Variants in PAQR9 observed in about 807,000 individuals in gnomAD.
PAQR9 encodes membrane progestin receptor epsilon.
PAQR9 carries 12 observed loss-of-function variants against 24.0 expected under a neutral mutation model. The ratio of observed to expected loss-of-function variants is 0.50; its 90% CI spans 0.32 to 0.81. The LOEUF is 0.81. Among genes scored for constraint, PAQR9 ranks in the 30% least tolerant of loss-of-function variants. The pLI is 0.03. For missense variants in PAQR9, 418 were observed against 520.8 expected, an observed-to-expected ratio of 0.80 and a Z score of 1.92; for synonymous variants, 266 against 237.6, an observed-to-expected ratio of 1.12 and a Z score of -1.10.
chr3:142,962,702 A>G lies in PAQR9; in HGVS notation c.635T>C (p.Leu212Pro). Residue 212 changes from leucine to proline, a missense_variant, in exon 1 of 1, where the codon CTG becomes CCG. Physicochemically the swap from Leu to Pro is moderately conservative, Grantham distance 98. Around this residue, in one of 3 missense-constraint regions of PAQR9, gnomAD observed 230 missense variants for 305.2 expected, o/e 0.75. Transcript: ENST00000340634. ...CAGCACGAAGGCCACAGGCAGCACC[A>G]GGGCGCGGTAGGCGGCGATAAGGCG... The part of the protein sequence containing the change: ...CTRLIAAYRA[L>P]VLPVAFVLAV... The G allele has an allele frequency of 6.2e-7, 1 of 1,612,706 alleles. No individual in the cohort carries two copies. Among genetic ancestry groups the G allele is most frequent in the Non-Finnish European group, 8.5e-7 (1 of 1,179,676 alleles).
At chr3:142,963,782 G>A, upstream of PAQR9, 3 of 978,438 alleles carry the variant, frequency 3.1e-6, no homozygotes, top group Non-Finnish European at 3.6e-6. Context: ...AGGAAGGGCG[G>A]GGGCCTCCCA....
rs1386844903 is a variant in PAQR9, at chr3:142,963,387, C to CCCGGGCGCTGGGCAGCCCCCG, written c.-72_-52dup. On this transcript the variant is annotated 5_prime_UTR_variant, in exon 1 of 1. Coordinates refer to ENST00000340634, the MANE Select transcript of PAQR9 (RefSeq NM_198504.4). The stretch of plus-strand genomic sequence containing the variant: ...GCGCAGGCGACCTCTGGCGCCGGCT[C>CCCGGGCGCTGGGCAGCCCCCG]CCGGGCGCTGGGCAGCCCCCGCCGG... The CCCGGGCGCTGGGCAGCCCCCG allele has an allele frequency of 8.8e-7, 1 of 1,133,220 alleles. No individual in the cohort carries two copies. The highest frequency in any genetic ancestry group is 1.1e-6 in the Non-Finnish European group (1 of 926,574). The allele number at this position is 1,133,220 out of a possible 1,614,324, so 70.2% of individuals were successfully genotyped here. A position where few individuals can be genotyped will look rare whatever the true frequency, so the allele number is the denominator to read the frequency against.
chr3:142,953,430 T>C (rs1008963085), downstream of PAQR9, among the ~76,000 whole-genome samples: 2 of 151,560 alleles, frequency 1.3e-5, no homozygotes, highest in Admixed American at 1.3e-4. Context: ...AAAAGGAGAG[T>C]GTGTGCTAGC....
At position 142,959,958 on chromosome 3, in the gene PAQR9, T is replaced by A. The variant is rs915650312; in HGVS notation, c.*2245A>T. 1.3e-5 allele frequency among the ~76,000 whole-genome samples: 2 copies of A among 152,220 alleles called. No individual in the cohort carries two copies. The highest frequency in any genetic ancestry group is 2.9e-5 in the Non-Finnish European group (2 of 68,032). Reference sequence around the variant, plus strand: ...ACAATGACATGCAAATAAATTTGCATGTGGAAATATCCTGATTTCCACAGT... The same window carrying A: ...ACAATGACATGCAAATAAATTTGCAAGTGGAAATATCCTGATTTCCACAGT... On this transcript the variant is annotated 3_prime_UTR_variant, in exon 1 of 1. Coordinates refer to ENST00000340634, the MANE Select transcript of PAQR9 (RefSeq NM_198504.4).
In PAQR9 at chr3:142,962,876, A is replaced by G. The variant is rs1354509753; in HGVS notation, c.461T>C (p.Phe154Ser). ...CLSLRLRAAFFYLDYASISYY... is the reference protein window; with the variant it reads ...CLSLRLRAAFSYLDYASISYY... ...GCTGATGGACGCGTAGTCCAGGTAGAAGAAGGCGGCGCGCAGACGCAGCGA... is the reference window on the plus strand; with the variant it reads ...GCTGATGGACGCGTAGTCCAGGTAGGAGAAGGCGGCGCGCAGACGCAGCGA... The change falls in exon 1 of 1, where the codon TTC becomes TCC. Residue 154 changes from phenylalanine (F) to serine (S), a missense_variant. Physicochemically the swap from Phe to Ser is radical, Grantham distance 155 (BLOSUM62 -2). Coordinates refer to ENST00000340634, the MANE Select transcript of PAQR9 (RefSeq NM_198504.4). 6.2e-7 allele frequency: 1 copy of G among 1,613,710 alleles called. No individual in the cohort carries two copies. The highest frequency in any genetic ancestry group is 1.1e-5 in the South Asian group (1 of 91,078).
chr3:142,963,965 G>C (rs896203931), upstream of PAQR9: 2 of 856,918 alleles, frequency 2.3e-6, no homozygotes, highest in Non-Finnish European at 2.8e-6. Context: ...AGTCGGCCCT[G>C]GGGTTCGAAA....
At position 142,962,964 on chromosome 3, in the gene PAQR9, A is replaced by G; in HGVS notation, c.373T>C (p.Tyr125His). Residue 125 changes from tyrosine to histidine, a missense_variant, in exon 1 of 1, where the codon TAC becomes CAC. Around this residue, in one of 3 missense-constraint regions of PAQR9, gnomAD observed 180 missense variants for 190.3 expected, o/e 0.95. Transcript: ENST00000340634. ...HHPWLLPLWC[Y>H]ASGVLLTFAM... is the part of the protein sequence containing the mutation. ...AAGGTCAGCAGCACTCCCGACGCGT[A>G]GCACCACAACGGTAGCAGCCACGGG... 1.2e-6 allele frequency: 2 copies of G among 1,614,090 alleles called. No homozygotes were observed. The highest frequency in any genetic ancestry group is 1.7e-6 in the Non-Finnish European group (2 of 1,180,004).
rs1484357504 is a variant in PAQR9 at position 142,954,814 on chromosome 3, G to A, written c.*7389C>T. On this transcript the variant is annotated 3_prime_UTR_variant, in exon 1 of 1. Coordinates refer to ENST00000340634, the MANE Select transcript of PAQR9 (RefSeq NM_198504.4). ...TCTATAGATTATTTTATCACATAAT[G>A]GAGAATTAAGATTAAGTAACGCTTT... 2.0e-5 allele frequency among the ~76,000 whole-genome samples: 3 copies of A among 152,048 alleles called. No individual in the cohort carries two copies. The highest frequency in any genetic ancestry group is 1.5e-5 in the Non-Finnish European group (1 of 68,012).
In PAQR9 at chr3:142,956,971, AC is replaced by A. The variant is rs1268952062; in HGVS notation, c.*5231del. On this transcript the variant is annotated 3_prime_UTR_variant, in exon 1 of 1. Coordinates refer to ENST00000340634, the MANE Select transcript of PAQR9 (RefSeq NM_198504.4). ...AAGAACACAGTAGTGCTCAGCTCCA[AC>A]CACTGAATGCTTCCTTTTTCAGTTT... Among the ~76,000 whole-genome samples the A allele has an allele frequency of 1.3e-5, 2 of 152,204 alleles. No individual in the cohort carries two copies. Among genetic ancestry groups the A allele is most frequent in the Non-Finnish European group, 2.9e-5 (2 of 68,038 alleles).
chr3:142,955,267 G>C lies in PAQR9; in HGVS notation c.*6936C>G, dbSNP rs1934773186. The stretch of plus-strand genomic sequence containing the variant: ...TATTTAAAACCTTTGTTTGGAAATG[G>C]GTGAACCTCATAAGGCAGATGGTTG... On this transcript the variant is annotated 3_prime_UTR_variant, in exon 1 of 1. Transcript: ENST00000340634. Among the ~76,000 whole-genome samples the C allele has an allele frequency of 6.6e-6, 1 of 151,654 alleles. No homozygotes were observed. Among genetic ancestry groups the C allele is most frequent in the South Asian group, 2.1e-4 (1 of 4,782 alleles).
At position 142,957,290 on chromosome 3, in the gene PAQR9, T is replaced by G. The variant is rs376150668; in HGVS notation, c.*4913A>C. On this transcript the variant is annotated 3_prime_UTR_variant, in exon 1 of 1. Transcript: ENST00000340634. ...AACACTAACACCCTGGGAGTTCACA[T>G]GCTTTTCTAAGGACAAAATTTAAAA... is the stretch of plus-strand genomic sequence containing the variant. Among the ~76,000 whole-genome samples the G allele has an allele frequency of 1.3e-4, 20 of 152,302 alleles. 1 individual carries two copies. Among genetic ancestry groups the G allele is most frequent in the Admixed American group, 5.2e-4 (8 of 15,306 alleles).
At chr3:142,954,529 C>T (rs1036281244), downstream of PAQR9, among the ~76,000 whole-genome samples, 1 of 152,298 alleles carries the variant, frequency 6.6e-6, no homozygotes, top group African/African-American at 2.4e-5. Flanking sequence ...TTTAGGAATA[C>T]CCTGTTGCTG....
At position 142,963,627 on chromosome 3, in the gene PAQR9, AGCGGCGGCGGCGCGGCTGACT is replaced by A. The variant is rs1044638414; in HGVS notation, c.-312_-292del. The A allele has an allele frequency of 2.4e-5, 17 of 707,852 alleles. No homozygotes were observed. In the Admixed American group the frequency reaches 2.6e-4, roughly 11 times the overall value. 43.8% of individuals were successfully genotyped at this position (707,852 alleles called of 1,614,324 possible). A position where few individuals can be genotyped will look rare whatever the true frequency, so the allele number is the denominator to read the frequency against. On this transcript the variant is annotated 5_prime_UTR_variant, in exon 1 of 1. Transcript: ENST00000340634. ...GGCGCGCGGCCGCCCGCGCTGCGGCAGCGGCGGCGGCGCGGCTGACTGCGGCGGCAGCGCGGCAGCGGTGAC... is the reference window on the plus strand; with the variant it reads ...GGCGCGCGGCCGCCCGCGCTGCGGCAGCGGCGGCAGCGCGGCAGCGGTGAC...
At chr3:142,951,536 G>T, downstream of PAQR9, 1 of 359,574 alleles carries the variant, frequency 2.8e-6, no homozygotes, top group South Asian at 2.1e-5. Context: ...GGGGTCAATT[G>T]CAGACAACAG....
chr3:142,952,679 G>T, downstream of PAQR9: 1 of 442,424 alleles, frequency 2.3e-6, no homozygotes, highest in East Asian at 7.0e-5. Flanking sequence ...CTATGTTCTG[G>T]CTTTCTTCTT....
Position 142,959,306 on chromosome 3 carries a change from G to A in PAQR9, c.*2897C>T, listed in dbSNP as rs760996434. On this transcript the variant is annotated 3_prime_UTR_variant, in exon 1 of 1. Transcript: ENST00000340634. The stretch of plus-strand genomic sequence containing the variant: ...CTGGATAGTTCCGTGCAAATGGGGA[G>A]ATTCAAAGTAAATATTCACTTCTAA... Among the ~76,000 whole-genome samples the A allele has an allele frequency of 2.0e-4, 30 of 152,168 alleles. No homozygotes were observed. The highest frequency in any genetic ancestry group is 4.6e-4 in the Admixed American group (7 of 15,278).
In PAQR9 at chr3:142,962,296, C is replaced by G; in HGVS notation, c.1041G>C (p.Ser347=). The change falls in exon 1 of 1, where the codon TCG becomes TCC. Residue 347 remains serine (S), a synonymous_variant. Transcript: ENST00000340634. ...GCAGCAGCATGTAGCCCACAGTACC[C>G]GAGAAAGTGGGTGCGGCAGGCGGCG... ...LQAPPAAPTF[S]GTVGYMLLLV... is the part of the protein sequence containing the mutation. 1.9e-6 allele frequency: 3 copies of G among 1,614,154 alleles called. No homozygotes were observed. Among genetic ancestry groups the G allele is most frequent in the South Asian group, 2.2e-5 (2 of 91,076 alleles).
At chr3:142,950,727 G>C (rs943638904), downstream of PAQR9, among the ~76,000 whole-genome samples, 1 of 152,194 alleles carries the variant, frequency 6.6e-6, no homozygotes, top group African/African-American at 2.4e-5. Context: ...ACCTTGGATT[G>C]CAGTCCCACC....
rs1424692650 is a variant in PAQR9 at position 142,957,408 on chromosome 3, CT to C, written c.*4794del. Among the ~76,000 whole-genome samples the C allele has an allele frequency of 6.6e-6, 1 of 152,150 alleles. No individual in the cohort carries two copies. The highest frequency in any genetic ancestry group is 1.5e-5 in the Non-Finnish European group (1 of 68,040). Reference sequence around the variant, plus strand: ...TCCCCTTCCCATGCATTCTTCCTATCTTTTTTACCTCTGACACTTTTTAATG... The same window carrying C: ...TCCCCTTCCCATGCATTCTTCCTATCTTTTTACCTCTGACACTTTTTAATG... On this transcript the variant is annotated 3_prime_UTR_variant, in exon 1 of 1. Transcript: ENST00000340634.
Sources: allele counts gnomAD v4.1 joint callset (sites outside exome capture counted in the v4.1 genomes callset), GRCh38; gene constraint gnomAD v4.1.1; regional missense constraint gnomAD v4.1.1; transcripts MANE v1.5; gene names NCBI Gene and HGNC (gene_info 2026-07-23, HGNC 2026-07-21).